The following ABCC1 variants were observed in gnomAD, a reference collection of about 807,000 sequenced individuals.
The protein encoded by ABCC1 is ATP binding cassette subfamily C member 1 (ABCC1 blood group).
Under a neutral mutation model 172.9 loss-of-function variants are expected in ABCC1, and 83 were observed. The observed-to-expected ratio is 0.48, with a 90% CI of 0.40 to 0.58. The LOEUF is 0.58. ABCC1 is among the 20% of genes least tolerant of loss of function. The probability of loss-of-function intolerance (pLI) is 0.00; values close to 1 mark genes in which losing one functional copy is unlikely to be tolerated. For synonymous variants in ABCC1, 937 were observed against 825.2 expected, an observed-to-expected ratio of 1.14 and a Z score of -2.32; for missense variants, 1,817 against 2,002.7, an observed-to-expected ratio of 0.91 and a Z score of 1.77.
chr16:15,981,735 A>T (rs2046624451), intron 1 of ABCC1, among the ~76,000 whole-genome samples: 1 of 152,156 alleles, frequency 6.6e-6, no homozygotes, highest in South Asian at 2.1e-4. Flanking sequence ...TGTCTTGGTG[A>T]TTAACATTTG....
intron 1 of ABCC1, among the ~76,000 whole-genome samples, chr16:15,952,246 C>G (rs2151471944): frequency 6.6e-6 from 1 of 152,244 alleles, no homozygotes; most frequent in Admixed American, 6.5e-5. Flanking sequence ...ATTATTTTTT[C>G]CAAAGATGAA....
intron 27 of ABCC1, among the ~76,000 whole-genome samples, chr16:16,132,532 T>C (rs2045742099): frequency 7.5e-6 from 1 of 133,062 alleles, no homozygotes; most frequent in Non-Finnish European, 1.6e-5. Context: ...TTTTTTTTTT[T>C]TTTTTTTGAG....
At chr16:16,061,622 T>A (rs2151932370) in intron 12 of ABCC1, among the ~76,000 whole-genome samples, 1 of 152,332 alleles carries the variant, frequency 6.6e-6, no homozygotes, top group East Asian at 1.9e-4. Context: ...CTTGTGTGTT[T>A]TTCCAGAGTC....
Position 16,014,674 on chromosome 16 carries a change from G to A in ABCC1, c.489+46G>A, listed in dbSNP as rs753410115. The A allele has an allele frequency of 1.1e-5, 18 of 1,606,356 alleles. No individual in the cohort carries two copies. The African/African-American group carries it at 1.9e-4, about 17-fold the overall frequency. ...TCATCTTCCTTCAGTGGACCCGGAG[G>A]GAGAGATGCTGGGTCCCTCTGGCTT... On this transcript the variant is annotated intron_variant, in intron 4 of 30. Coordinates refer to ENST00000399410, the MANE Select transcript of ABCC1 (RefSeq NM_004996.4).
At chr16:16,005,820 G>T (rs1036790057) in intron 1 of ABCC1, among the ~76,000 whole-genome samples, 18 of 152,090 alleles carry the variant, frequency 1.2e-4, no homozygotes, top group Non-Finnish European at 2.1e-4. Flanking sequence ...AATTAGCCAA[G>T]CGGGGTGACC....
chr16:15,966,016 A>G (rs1297225363), intron 1 of ABCC1, among the ~76,000 whole-genome samples: 1 of 152,096 alleles, frequency 6.6e-6, no homozygotes, highest in Non-Finnish European at 1.5e-5. Context: ...CACTCTAGCC[A>G]TTGTCTTATT....
intron 1 of ABCC1, among the ~76,000 whole-genome samples, chr16:16,002,820 A>T (rs1466474619): frequency 6.6e-6 from 1 of 152,146 alleles, no homozygotes; most frequent in Non-Finnish European, 1.5e-5. Flanking sequence ...AGTAAAAAAA[A>T]GCAAGGTATA....
Position 16,009,857 on chromosome 16 carries a change from G to T in ABCC1, c.307G>T (p.Ala103Ser). The change falls in exon 3 of 31, where the codon GCC (alanine) becomes TCC (serine). Residue 103 changes from alanine (A) to serine (S), a missense_variant. Physicochemically the swap from Ala to Ser is moderately conservative, Grantham distance 99. Transcript: ENST00000399410. ...GGAAAGAAGTCGGGGCATATTCCTG[G>T]CCCCAGTGTTTCTGGTCAGCCCAAC... ...FWERSRGIFL[A>S]PVFLVSPTLL... 1 of 1,611,268 alleles carries T rather than the reference G, an allele frequency of 6.2e-7. No homozygotes were observed. Among genetic ancestry groups the T allele is most frequent in the Non-Finnish European group, 8.5e-7 (1 of 1,178,970 alleles).
chr16:16,073,565 C>A (rs923202491), intron 14 of ABCC1, among the ~76,000 whole-genome samples: 3 of 152,168 alleles, frequency 2.0e-5, no homozygotes, highest in Non-Finnish European at 4.4e-5. Flanking sequence ...GAGTTTGAGA[C>A]CACCTTGGGT....
rs1228532784 is a variant in ABCC1, at chr16:15,999,769, T to TTCTCTCTCTCTCTCTCTCTCTC, written c.49-8028_49-8007dup. On this transcript the variant is annotated intron_variant, in intron 1 of 30. Coordinates refer to ENST00000399410, the MANE Select transcript of ABCC1 (RefSeq NM_004996.4). ...GTGTGAGCCTCTGTGCCCGGCCTCT[T>TTCTCTCTCTCTCTCTCTCTCTC]TCTCTCTCTCTCTCTCTCTCTCTCT... Among the ~76,000 whole-genome samples the TTCTCTCTCTCTCTCTCTCTCTC allele has an allele frequency of 9.1e-4, 23 of 25,366 alleles. 7 individuals are homozygous for TTCTCTCTCTCTCTCTCTCTCTC. Among genetic ancestry groups the TTCTCTCTCTCTCTCTCTCTCTC allele is most frequent in the East Asian group, 4.4e-3 (3 of 682 alleles). The allele number at this position is 25,366 out of a possible 152,430, so 16.6% of individuals were successfully genotyped here.
At chr16:16,139,348 A>C (rs1010568494) in intron 30 of ABCC1, among the ~76,000 whole-genome samples, 1 of 152,074 alleles carries the variant, frequency 6.6e-6, no homozygotes, top group Non-Finnish European at 1.5e-5. Context: ...GCGGTGGCTC[A>C]CGGCTGTAAT....
chr16:15,999,824 C>G (rs1196957886), intron 1 of ABCC1, among the ~76,000 whole-genome samples: 358 of 18,358 alleles, frequency 0.02, 3 homozygotes, highest in African/African-American at 0.063. Context: ...CTCTCTCTCT[C>G]TCTCTCTCTG....
Position 16,083,548 on chromosome 16 carries a change from T to A in ABCC1, c.2292+6T>A. 1 of 1,603,906 alleles carries A rather than the reference T, an allele frequency of 6.2e-7. No individual in the cohort carries two copies. The highest frequency in any genetic ancestry group is 8.5e-7 in the Non-Finnish European group (1 of 1,172,272). ...GGACAGAGATTGGCGAGAAGGTCAG[T>A]ATAGGTTGGATGTTGGCCCCTGAAT... On this transcript the variant is annotated splice_donor_region_variant and intron_variant, in intron 17 of 30. Transcript: ENST00000399410.
At chr16:15,960,916 C>G (rs748182461) in intron 1 of ABCC1, among the ~76,000 whole-genome samples, 11 of 151,870 alleles carry the variant, frequency 7.2e-5, no homozygotes, top group Non-Finnish European at 1.2e-4. Flanking sequence ...AGGCGCTTAC[C>G]AGCTCAGCAA....
chr16:15,996,030 G>C (rs571483196), intron 1 of ABCC1, among the ~76,000 whole-genome samples: 1 of 145,142 alleles, frequency 6.9e-6, no homozygotes, highest in East Asian at 2.0e-4. Flanking sequence ...TTTTGTCCAG[G>C]CTGGAGTGCA....
chr16:16,078,502 G>A (rs931921208), intron 15 of ABCC1, among the ~76,000 whole-genome samples: 4 of 152,292 alleles, frequency 2.6e-5, no homozygotes, highest in African/African-American at 9.6e-5. Context: ...GAGTTCAGGT[G>A]TCTTAGCACA....
At chr16:16,005,504 T>G (rs1397150074) in intron 1 of ABCC1, among the ~76,000 whole-genome samples, 1 of 152,006 alleles carries the variant, frequency 6.6e-6, no homozygotes, top group Admixed American at 6.6e-5. Context: ...TGCGCCACCA[T>G]GCCTGGCTAG....
chr16:16,098,464 C>G (rs149117449), intron 19 of ABCC1, among the ~76,000 whole-genome samples: 1 of 152,158 alleles, frequency 6.6e-6, no homozygotes, highest in Non-Finnish European at 1.5e-5. Flanking sequence ...ACTAAAAATA[C>G]GAAAATTAGC....
At chr16:16,128,371 G>A (rs549826186) in intron 26 of ABCC1, among the ~76,000 whole-genome samples, 20 of 151,680 alleles carry the variant, frequency 1.3e-4, no homozygotes, top group African/African-American at 4.3e-4. Context: ...GGCTGGTCTC[G>A]AACTCCTGAC....
Sources: allele counts gnomAD v4.1 joint callset (sites outside exome capture counted in the v4.1 genomes callset), GRCh38; gene constraint gnomAD v4.1.1; transcripts MANE v1.5; gene names NCBI Gene and HGNC (gene_info 2026-07-23, HGNC 2026-07-21).